FGD1: variants seen among roughly 807,000 people sequenced by gnomAD.
FGD1 encodes FYVE, RhoGEF and PH domain containing 1.
In FGD1, 12 loss-of-function variants were observed where a neutral mutation model predicts 65.0. That is an observed-to-expected ratio of 0.18 (90% CI 0.12 to 0.30). FGD1 has a LOEUF of 0.30. Among genes scored for constraint, FGD1 ranks in the 10% least tolerant of loss-of-function variants. The pLI is 1.00. For synonymous variants in FGD1, 333 were observed against 343.9 expected, an observed-to-expected ratio of 0.97 and a Z score of 0.35; for missense variants, 542 against 837.6, an observed-to-expected ratio of 0.65 and a Z score of 4.36.
At chrX:54,493,760 C>CA (rs1923465490) in intron 1 of FGD1, among the ~76,000 whole-genome samples, 1 of 112,202 alleles carries the variant, frequency 8.9e-6, no homozygotes, top group Non-Finnish European at 1.9e-5. Context: ...TGGTTATCTT[C>CA]AGCCCACACT....
intron 1 of FGD1, among the ~76,000 whole-genome samples, chrX:54,494,402 C>CTTTTTTT (rs56235590): frequency 8.2e-5 from 5 of 60,720 alleles, no homozygotes; most frequent in African/African-American, 1.4e-4. Context: ...CACCGTCTTT[C>CTTTTTTT]TTTTTTTTTT....
rs1262443123 is a variant in FGD1, at chrX:54,495,963, G to A, written c.-531C>T. 8.9e-6 allele frequency: 1 copy of A among 112,975 alleles called. No homozygotes were observed. Among genetic ancestry groups the A allele is most frequent in the African/African-American group, 3.2e-5 (1 of 31,148 alleles). 9.3% of individuals were successfully genotyped at this position (112,975 alleles called of 1,213,427 possible). On this transcript the variant is annotated 5_prime_UTR_variant, in exon 1 of 18. Transcript: ENST00000375135. ...CCGAGGCCGGGGGCGGAGGAGAGGG[G>A]AGGGGAGAGGAGGGGAGGGAAGAGA...
chrX:54,447,181 G>T, intron 17 of FGD1, 130 bp downstream of exon 17: 1 of 743,782 alleles, frequency 1.3e-6, no homozygotes, highest in East Asian at 3.4e-5. Context: ...TTGGGGTTCT[G>T]ATTTCCTCTT....
chrX:54,486,003 G>C (rs181140533), intron 1 of FGD1, among the ~76,000 whole-genome samples: 1 of 110,799 alleles, frequency 9.0e-6, no homozygotes, highest in East Asian at 2.9e-4. Context: ...TCAATCTCTT[G>C]ACCTTGTGAT....
At chrX:54,449,329 C>T in intron 14 of FGD1, 61 bp from the exon 15 acceptor site, 4 of 1,185,527 alleles carry the variant, frequency 3.4e-6, no homozygotes, top group Non-Finnish European at 4.6e-6. Flanking sequence ...TCCAGCCAGC[C>T]CTTGTTCCTG....
At chrX:54,456,638 G>T (rs745734371) in intron 8 of FGD1, 71 bp from the exon 9 acceptor site, 182 of 732,931 alleles carry the variant, frequency 2.5e-4, no homozygotes, top group Non-Finnish European at 3.2e-4. Context: ...TTTGTTTTTT[G>T]TTTTTTTTTT....
chrX:54,451,505 G>T (rs1922376614), intron 12 of FGD1, among the ~76,000 whole-genome samples: 1 of 109,064 alleles, frequency 9.2e-6, no homozygotes. Flanking sequence ...GGCTGGTCTT[G>T]AACTCGTGAC....
At chrX:54,477,815 T>C (rs1246951380) in intron 1 of FGD1, among the ~76,000 whole-genome samples, 1 of 111,811 alleles carries the variant, frequency 8.9e-6, no homozygotes, top group Non-Finnish European at 1.9e-5. Context: ...TTTCTTAAGC[T>C]ATACTTAAAA....
intron 1 of FGD1, among the ~76,000 whole-genome samples, chrX:54,487,496 C>T (rs936022458): frequency 8.9e-5 from 10 of 112,642 alleles, no homozygotes; most frequent in Non-Finnish European, 1.5e-4. Context: ...GATAGGAAGA[C>T]TCAATATTGT....
chrX:54,467,879 G>C lies in FGD1; in HGVS notation c.1245C>G (p.Ala415=). 1 of 1,175,039 alleles carries C rather than the reference G, an allele frequency of 8.5e-7. No individual in the cohort carries two copies. The highest frequency in any genetic ancestry group is 1.1e-6 in the Non-Finnish European group (1 of 876,557). The stretch of plus-strand genomic sequence containing the variant: ...TAGAGAAGATGCCGTGGACAACGTC[G>C]GCCGGGAAGGAACTGCGGTTCCGAG... The part of the protein sequence containing the change: ...EEARNRSSFP[A]DVVHGIFSNI... The change falls in exon 6 of 18, where the codon GCC becomes GCG. Residue 415 remains alanine (A), a synonymous_variant. Transcript: ENST00000375135.
chrX:54,474,774 G>A (rs1030348099), intron 1 of FGD1, among the ~76,000 whole-genome samples: 1 of 112,630 alleles, frequency 8.9e-6, no homozygotes, highest in Non-Finnish European at 1.9e-5. Flanking sequence ...GAGACAGAGA[G>A]GAGCTGACAG....
At chrX:54,462,496 G>A (rs761625555) in intron 8 of FGD1, among the ~76,000 whole-genome samples, 2 of 105,161 alleles carry the variant, frequency 1.9e-5, no homozygotes, top group Non-Finnish European at 3.9e-5. Context: ...GGGTTCCAGC[G>A]ATTCTCCTGC....
intron 12 of FGD1, among the ~76,000 whole-genome samples, chrX:54,452,137 T>C (rs1263487833): frequency 1.9e-5 from 2 of 105,083 alleles, no homozygotes; most frequent in Admixed American, 2.1e-4. Flanking sequence ...CATGGTGGCA[T>C]ATGCTTGTAT....
At chrX:54,467,284 G>A (rs758343845) in intron 6 of FGD1, among the ~76,000 whole-genome samples, 1 of 110,497 alleles carries the variant, frequency 9.1e-6, no homozygotes, top group Non-Finnish European at 1.9e-5. Flanking sequence ...AATTTTCTGA[G>A]TTCTGGTCTG....
intron 8 of FGD1, among the ~76,000 whole-genome samples, chrX:54,458,925 T>C (rs748099710): frequency 2.6e-4 from 29 of 111,679 alleles, no homozygotes; most frequent in Non-Finnish European, 5.5e-4. Flanking sequence ...CCCTGTAACA[T>C]AGATGATTGT....
At position 54,455,658 on chromosome X, in the gene FGD1, C is replaced by T. The variant is rs1436744273; in HGVS notation, c.1935+34G>A. On this transcript the variant is annotated intron_variant, in intron 11 of 17. Coordinates refer to ENST00000375135, the MANE Select transcript of FGD1 (RefSeq NM_004463.3). ...TTCCTCCCAACACCAATGCCCCACT[C>T]CAAGTTCCCATTTCCCACCTCTTGG... is the stretch of plus-strand genomic sequence containing the variant. 5 of 1,148,966 alleles carry T rather than the reference C, an allele frequency of 4.4e-6. No individual in the cohort carries two copies. The Admixed American group carries it at 9.6e-5, about 22-fold the overall frequency. The allele number at this position is 1,148,966 out of a possible 1,213,427, so 94.7% of individuals were successfully genotyped here.
chrX:54,466,487 G>C (rs1363424282), intron 6 of FGD1, among the ~76,000 whole-genome samples: 1 of 111,535 alleles, frequency 9.0e-6, no homozygotes, highest in Non-Finnish European at 1.9e-5. Flanking sequence ...TGTTTAGAGA[G>C]ACCGTTCTGG....
intron 10 of FGD1, 51 bp downstream of exon 10, chrX:54,456,169 T>C (rs1425804474): frequency 4.3e-6 from 5 of 1,166,754 alleles, no homozygotes; most frequent in Non-Finnish European, 5.8e-6. Context: ...ACTATGTGTG[T>C]GTGTGTTGGG....
intron 6 of FGD1, among the ~76,000 whole-genome samples, chrX:54,466,514 T>C (rs755210980): frequency 9.0e-6 from 1 of 111,284 alleles, no homozygotes; most frequent in South Asian, 3.8e-4. Context: ...GTGTGGACTC[T>C]AAAGGCTGGA....
Sources: allele counts gnomAD v4.1 joint callset (sites outside exome capture counted in the v4.1 genomes callset), GRCh38; gene constraint gnomAD v4.1.1; transcripts MANE v1.5; gene names NCBI Gene and HGNC (gene_info 2026-07-23, HGNC 2026-07-21).